WIPI2: variants seen among roughly 807,000 people sequenced by gnomAD.
The protein encoded by WIPI2 is WD repeat domain, phosphoinositide interacting 2.
A neutral mutation model predicts 52.3 loss-of-function variants in WIPI2; 28 were observed. The observed-to-expected ratio is 0.54, with a 90% CI of 0.40 to 0.73. The LOEUF (loss-of-function observed/expected upper bound fraction) is 0.73. Ranked by LOEUF, WIPI2 falls within the 30% of genes least tolerant of loss-of-function variation. The pLI, the probability that WIPI2 is intolerant of heterozygous loss-of-function variation, is 0.00. For synonymous variants in WIPI2, 268 were observed against 245.0 expected (o/e 1.09, Z -0.88); for missense variants, 506 against 602.9 (o/e 0.84, Z 1.68).
At chr7:5,229,569 G>T (rs542379655) in intron 11 of WIPI2, 39 bp from the exon 12 acceptor site, 2 of 1,600,120 alleles carry the variant, frequency 1.2e-6, no homozygotes, top group Admixed American at 3.4e-5. Context: ...GGGCTGCCCT[G>T]TGTGGAGACG....
chr7:5,208,954 T>G (rs910226915), intron 3 of WIPI2, among the ~76,000 whole-genome samples: 10 of 151,976 alleles, frequency 6.6e-5, no homozygotes, highest in African/African-American at 2.4e-4. Context: ...GTACCCAGAA[T>G]ATGGTATATC....
chr7:5,203,664 G>T (rs1202073364), intron 3 of WIPI2, among the ~76,000 whole-genome samples: 1 of 126,988 alleles, frequency 7.9e-6, no homozygotes, highest in Non-Finnish European at 1.6e-5. Flanking sequence ...ACGGAGTGTC[G>T]CTCTGTAGCC....
At chr7:5,197,122 A>AC (rs1562384619) in intron 2 of WIPI2, among the ~76,000 whole-genome samples, 23 of 145,714 alleles carry the variant, frequency 1.6e-4, no homozygotes, top group South Asian at 8.5e-4. Context: ...AAAAAACAAA[A>AC]AAAAAAAAAA....
intron 4 of WIPI2, 178 bp from the exon 5 acceptor site, chr7:5,216,385 T>C: frequency 4.2e-6 from 2 of 480,794 alleles, no homozygotes. Context: ...TGAGCCGAGA[T>C]CACACCACTG....
intron 7 of WIPI2, among the ~76,000 whole-genome samples, chr7:5,219,404 T>TA (rs2115289193): frequency 1.3e-5 from 2 of 152,276 alleles, no homozygotes; most frequent in South Asian, 2.1e-4. Flanking sequence ...TAGTAGCTCT[T>TA]ATAAAGGCCC....
intron 2 of WIPI2, among the ~76,000 whole-genome samples, chr7:5,194,451 T>C (rs1453078294): frequency 2.6e-5 from 4 of 152,218 alleles, no homozygotes; most frequent in Non-Finnish European, 2.9e-5. Context: ...CTGACTCACA[T>C]CTTCATTTTT....
At chr7:5,226,203 G>C (rs1783424020) in intron 9 of WIPI2, 1 of 423,552 alleles carries the variant, frequency 2.4e-6, no homozygotes. Flanking sequence ...CCTTTTGTCA[G>C]TGAAGATGGC....
chr7:5,219,434 T>G (rs1782978591), intron 7 of WIPI2, among the ~76,000 whole-genome samples: 1 of 132,920 alleles, frequency 7.5e-6, no homozygotes, highest in Admixed American at 8.4e-5. Context: ...TGATGGAATT[T>G]TAAGGCCCAT....
In WIPI2 at chr7:5,217,918, T is replaced by C. The variant is rs772376908; in HGVS notation, c.577-4T>C. 2 of 1,614,078 alleles carry C rather than the reference T, an allele frequency of 1.2e-6. No individual in the cohort carries two copies. Among genetic ancestry groups the C allele is most frequent in the African/African-American group, 2.7e-5 (2 of 74,950 alleles). Reference sequence around the variant, plus strand: ...GCCACTCTTTATTGGTGTCCCTTTTTCAGAGAGCTGCAAACATGATTCCGG... The same window carrying C: ...GCCACTCTTTATTGGTGTCCCTTTTCCAGAGAGCTGCAAACATGATTCCGG... On this transcript the variant is annotated splice_region_variant and splice_polypyrimidine_tract_variant and intron_variant, in intron 6 of 12. Transcript: ENST00000288828.
intron 9 of WIPI2, 41 bp downstream of exon 9, chr7:5,225,971 C>G (rs1182919568): frequency 1.3e-6 from 2 of 1,559,864 alleles, no homozygotes; most frequent in African/African-American, 2.7e-5. Context: ...TGATGCAAAA[C>G]CCTTTGTCCC....
chr7:5,229,445 G>A (rs894510416), intron 11 of WIPI2, 163 bp from the exon 12 acceptor site: 7 of 689,082 alleles, frequency 1.0e-5, no homozygotes, highest in South Asian at 8.4e-5. Flanking sequence ...ATGTAAAAAC[G>A]TGTGCAGATA....
At chr7:5,198,770 T>A (rs935093436) in intron 2 of WIPI2, among the ~76,000 whole-genome samples, 3 of 152,238 alleles carry the variant, frequency 2.0e-5, no homozygotes, top group African/African-American at 7.2e-5. Flanking sequence ...TATTCTTATT[T>A]TAATTTTCCC....
rs1781416530 is a variant in WIPI2 at position 5,190,409 on chromosome 7, C to T, written c.-11C>T. 3 of 1,399,718 alleles carry T rather than the reference C, an allele frequency of 2.1e-6. No homozygotes were observed. Among genetic ancestry groups the T allele is most frequent in the Non-Finnish European group, 1.9e-6 (2 of 1,070,660 alleles). 86.7% of individuals were successfully genotyped at this position (1,399,718 alleles called of 1,614,324 possible). ...CCTCCCCGGCCGGGCCCACTCGCCG[C>T]GCGCCCAGCCATGAACCTGGCGAGC... On this transcript the variant is annotated 5_prime_UTR_variant, in exon 1 of 13. Coordinates refer to ENST00000288828, the MANE Select transcript of WIPI2 (RefSeq NM_015610.4).
intron 2 of WIPI2, among the ~76,000 whole-genome samples, chr7:5,194,975 C>T (rs6944508): frequency 0.023 from 3,560 of 152,022 alleles, 132 homozygotes; most frequent in African/African-American, 0.08. Flanking sequence ...CTTGTGGGGC[C>T]GTGAAATGAG....
intron 3 of WIPI2, among the ~76,000 whole-genome samples, chr7:5,206,591 G>A (rs138788120): frequency 2.2e-4 from 33 of 152,202 alleles, no homozygotes; most frequent in Non-Finnish European, 3.7e-4. Context: ...GCACCTGCAC[G>A]TAAGCAACTG....
chr7:5,196,853 T>G (rs1781765331), intron 2 of WIPI2, among the ~76,000 whole-genome samples: 1 of 152,140 alleles, frequency 6.6e-6, no homozygotes, highest in African/African-American at 2.4e-5. Flanking sequence ...GGCTCACACC[T>G]GTAATCCCAG....
At chr7:5,229,028 G>A (rs1258352917) in intron 11 of WIPI2, among the ~76,000 whole-genome samples, 1 of 151,814 alleles carries the variant, frequency 6.6e-6, no homozygotes, top group African/African-American at 2.4e-5. Context: ...TTTTGTGTGT[G>A]TGTGTGAAAT....
At chr7:5,193,208 G>A in intron 2 of WIPI2, 37 bp downstream of exon 2, 3 of 1,609,326 alleles carry the variant, frequency 1.9e-6, no homozygotes, top group Non-Finnish European at 2.5e-6. Flanking sequence ...GTATCACCTT[G>A]GAAGGCTTAT....
chr7:5,201,910 C>G (rs1782046731), intron 3 of WIPI2, among the ~76,000 whole-genome samples: 1 of 151,634 alleles, frequency 6.6e-6, no homozygotes, highest in Admixed American at 6.6e-5. Context: ...TTACATTGTT[C>G]TATTCCAAGA....
Sources: gnomAD v4.1 joint callset for allele counts (sites outside exome capture counted in the v4.1 genomes callset) on GRCh38, gnomAD v4.1.1 for gene constraint, MANE v1.5 for transcripts, NCBI Gene and HGNC (gene_info 2026-07-23, HGNC 2026-07-21) for gene names.